SH3BP5: variants seen among roughly 807,000 people sequenced by gnomAD.
SH3BP5 encodes SH3 domain binding protein 5.
SH3BP5 carries 22 observed loss-of-function variants against 43.3 expected under a neutral mutation model. The ratio of observed to expected loss-of-function variants is 0.51; its 90% confidence interval spans 0.36 to 0.73. The LOEUF is 0.73. Among genes scored for constraint, SH3BP5 ranks in the 30% least tolerant of loss-of-function variants. The pLI is 0.00. For synonymous variants in SH3BP5, 255 were observed against 225.8 expected (o/e 1.13, Z -1.16); for missense variants, 529 against 586.9 (o/e 0.90, Z 1.02).
intron 3 of SH3BP5, among the ~76,000 whole-genome samples, chr3:15,296,794 C>T (rs575328115): frequency 7.0e-4 from 103 of 146,758 alleles, no homozygotes; most frequent in African/African-American, 2.3e-3. Flanking sequence ...CTCAGGCTCA[C>T]GCAATCCTTC....
intron 2 of SH3BP5, among the ~76,000 whole-genome samples, chr3:15,309,971 G>C (rs938583098): frequency 6.7e-6 from 1 of 149,522 alleles, no homozygotes; most frequent in African/African-American, 2.5e-5. Context: ...CAGCTACTTG[G>C]GTAACAGTTC....
intron 2 of SH3BP5, among the ~76,000 whole-genome samples, chr3:15,309,280 A>G (rs1277566081): frequency 2.0e-5 from 3 of 152,172 alleles, no homozygotes; most frequent in African/African-American, 7.2e-5. Flanking sequence ...GGGATAGTAT[A>G]GGGCTTTTTG....
chr3:15,320,739 C>G (rs6763735), intron 2 of SH3BP5, among the ~76,000 whole-genome samples: 1 of 151,796 alleles, frequency 6.6e-6, no homozygotes, highest in African/African-American at 2.4e-5. Flanking sequence ...CTCTGTCAAC[C>G]TGGGGATTTG....
At chr3:15,332,165 C>G in intron 1 of SH3BP5, 106 bp downstream of exon 1, 1 of 1,508,568 alleles carries the variant, frequency 6.6e-7, no homozygotes, top group Non-Finnish European at 8.9e-7. Context: ...GCCGCCAGTC[C>G]CCGGACCACA....
rs148159237 is a variant in SH3BP5 at position 15,315,834 on chromosome 3, AT to A, written c.202-11604del. ...AGGCTCTTTAACTTTTTAGTTTAAAATAATTTCAAACTTGGAAAAAATGAGG... is the reference window on the plus strand; with the variant it reads ...AGGCTCTTTAACTTTTTAGTTTAAAAAATTTCAAACTTGGAAAAAATGAGG... On this transcript the variant is annotated intron_variant, in intron 2 of 8. Coordinates refer to ENST00000383791, the MANE Select transcript of SH3BP5 (RefSeq NM_004844.5). Among the ~76,000 whole-genome samples the A allele has an allele frequency of 5.2e-3, 787 of 152,350 alleles. 3 individuals carry two copies. Among genetic ancestry groups the A allele is most frequent in the African/African-American group, 0.015 (604 of 41,580 alleles).
In SH3BP5 at chr3:15,309,004, A is replaced by G. The variant is rs551420476; in HGVS notation, c.202-4773T>C. ...TGTGAATAGCACTTACCTAGCTGCAATAAAGTAATCAAATACTGACCACAA... is the reference window on the plus strand; with the variant it reads ...TGTGAATAGCACTTACCTAGCTGCAGTAAAGTAATCAAATACTGACCACAA... On this transcript the variant is annotated intron_variant, in intron 2 of 8. Coordinates refer to ENST00000383791, the MANE Select transcript of SH3BP5 (RefSeq NM_004844.5). Among the ~76,000 whole-genome samples the G allele has an allele frequency of 4.6e-5, 7 of 152,356 alleles. No individual in the cohort carries two copies. The South Asian group carries it at 1.4e-3, about 32-fold the overall frequency.
In SH3BP5 at chr3:15,269,851, C is replaced by A. The variant is rs371749855; in HGVS notation, c.357G>T (p.Thr119=). 5.1e-6 allele frequency: 8 copies of A among 1,567,202 alleles called. No homozygotes were observed. Among genetic ancestry groups the A allele is most frequent in the South Asian group, 2.3e-5 (2 of 87,064 alleles). ...RQAQLEAQKA[T]QDFQRATEVL... The stretch of plus-strand genomic sequence containing the variant: ...CCTCTGTGGCCCTCTGGAAGTCCTG[C>A]GTGGCTTTCTGAGCTTCCAGCTGAG... Residue 119 remains threonine, a synonymous_variant, in exon 4 of 9, where the codon ACG becomes ACT. Transcript: ENST00000383791.
intron 4 of SH3BP5, among the ~76,000 whole-genome samples, chr3:15,268,855 T>G (rs1696717334): frequency 6.6e-6 from 1 of 152,120 alleles, no homozygotes; most frequent in African/African-American, 2.4e-5. Context: ...AGTGACCTTA[T>G]AAGCTCATGT....
intron 4 of SH3BP5, among the ~76,000 whole-genome samples, chr3:15,267,197 C>T (rs994199636): frequency 6.6e-6 from 1 of 152,204 alleles, no homozygotes; most frequent in African/African-American, 2.4e-5. Context: ...AACATGAGCA[C>T]CACTGGGGGA....
At chr3:15,301,884 G>C (rs1170754817) in intron 3 of SH3BP5, among the ~76,000 whole-genome samples, 1 of 152,012 alleles carries the variant, frequency 6.6e-6, no homozygotes, top group African/African-American at 2.4e-5. Flanking sequence ...GAAAACTTCA[G>C]GTAGAGAAGC....
Position 15,272,566 on chromosome 3 carries a change from C to CAT in SH3BP5, c.331-2691_331-2690dup, listed in dbSNP as rs201016930. 1.6e-3 allele frequency among the ~76,000 whole-genome samples: 178 copies of CAT among 111,270 alleles called. 5 individuals carry two copies. Among genetic ancestry groups the CAT allele is most frequent in the African/African-American group, 7.5e-3 (108 of 14,446 alleles). 73.0% of individuals were successfully genotyped at this position (111,270 alleles called of 152,430 possible). On this transcript the variant is annotated intron_variant, in intron 3 of 8. Transcript: ENST00000383791. ...AAACAGAGTGCCTGTAGGATAAAGA[C>CAT]ATTACAAAACAGAGTGCCTGTAGGA...
intron 3 of SH3BP5, chr3:15,275,989 C>T (rs1696952040): frequency 7.5e-6 from 1 of 132,930 alleles, no homozygotes; most frequent in African/African-American, 2.8e-5. Context: ...CACTGCACTC[C>T]AGCCTGGGCA....
chr3:15,299,483 ATTTTTTTT>A (rs60281447), intron 3 of SH3BP5, among the ~76,000 whole-genome samples: 25,730 of 91,676 alleles, frequency 0.28, 2,255 homozygotes, highest in Middle Eastern at 0.36. Context: ...CAACAATTAG[ATTTTTTTT>A]TTTTTTTTTT....
intron 4 of SH3BP5, among the ~76,000 whole-genome samples, chr3:15,265,096 C>G (rs992977600): frequency 1.7e-4 from 26 of 152,020 alleles, no homozygotes; most frequent in African/African-American, 6.3e-4. Flanking sequence ...AAGCTCCGAG[C>G]CCATGGCAAT....
chr3:15,262,337 G>T lies in SH3BP5; in HGVS notation c.496-48C>A, dbSNP rs3872641. On this transcript the variant is annotated intron_variant, in intron 4 of 8. Coordinates refer to ENST00000383791, the MANE Select transcript of SH3BP5 (RefSeq NM_004844.5). ...GCCCAGTCCAGCCCAGAACAGCCCA[G>T]GCTTGGAATATTACTTATATTATTT... 38,383 of 1,593,756 alleles carry T rather than the reference G, an allele frequency of 0.024. 7,349 individuals are homozygous for T. In the African/African-American group the frequency reaches 0.43, roughly 18 times the overall value.
chr3:15,262,525 T>G (rs961869631), intron 4 of SH3BP5, among the ~76,000 whole-genome samples: 3 of 152,014 alleles, frequency 2.0e-5, no homozygotes, highest in African/African-American at 4.8e-5. Context: ...GGCCTGGTGG[T>G]GTGCTCCTGT....
intron 2 of SH3BP5, among the ~76,000 whole-genome samples, chr3:15,325,643 T>C (rs1024711033): frequency 4.6e-5 from 7 of 152,228 alleles, no homozygotes; most frequent in Admixed American, 6.5e-5. Context: ...AAGCAGGGAC[T>C]TCTGTCCATT....
At chr3:15,327,648 A>G (rs1186805177) in intron 2 of SH3BP5, among the ~76,000 whole-genome samples, 2 of 152,150 alleles carry the variant, frequency 1.3e-5, no homozygotes, top group Non-Finnish European at 2.9e-5. Flanking sequence ...ACTCACCCCA[A>G]CCAAAAACGT....
intron 3 of SH3BP5, among the ~76,000 whole-genome samples, chr3:15,294,669 C>G (rs1384509961): frequency 3.3e-5 from 5 of 152,148 alleles, no homozygotes; most frequent in African/African-American, 1.2e-4. Flanking sequence ...AGCCCCCGCA[C>G]AGAGCAGTGT....
Sources: gnomAD v4.1 joint callset for allele counts (sites outside exome capture counted in the v4.1 genomes callset) on GRCh38, gnomAD v4.1.1 for gene constraint, MANE v1.5 for transcripts, NCBI Gene and HGNC (gene_info 2026-07-23, HGNC 2026-07-21) for gene names.